The following ENTHD1 variants were observed in gnomAD, a reference collection of about 807,000 sequenced individuals.
The protein encoded by ENTHD1 is ENTH domain containing 1.
ENTHD1 carries 23 observed loss-of-function variants against 39.1 expected under a neutral mutation model. The observed-to-expected ratio is 0.59, with a 90% CI of 0.42 to 0.83. The LOEUF (loss-of-function observed/expected upper bound fraction) is 0.83, where lower values mean the gene tolerates loss of function less well. ENTHD1 is among the 40% of genes least tolerant of loss of function. ENTHD1 has a pLI of 0.00. For missense variants in ENTHD1, 624 were observed against 705.4 expected, an observed-to-expected ratio of 0.88 and a Z score of 1.31; for synonymous variants, 230 against 258.2, an observed-to-expected ratio of 0.89 and a Z score of 1.05.
At chr22:39,784,941 T>C (rs1365361960) in intron 5 of ENTHD1, among the ~76,000 whole-genome samples, 2 of 152,204 alleles carry the variant, frequency 1.3e-5, no homozygotes, top group Non-Finnish European at 2.9e-5. Context: ...CAAATGGTTC[T>C]AGCATAAAGA....
chr22:39,823,083 G>T (rs1201581443), intron 4 of ENTHD1, among the ~76,000 whole-genome samples: 1 of 152,166 alleles, frequency 6.6e-6, no homozygotes, highest in Non-Finnish European at 1.5e-5. Context: ...CATTTCTATA[G>T]TTGTGACATT....
At chr22:39,808,420 G>A (rs1241212384) in intron 5 of ENTHD1, among the ~76,000 whole-genome samples, 2 of 152,208 alleles carry the variant, frequency 1.3e-5, no homozygotes, top group Non-Finnish European at 2.9e-5. Context: ...TTAGTACACA[G>A]TAGGCATTTA....
chr22:39,805,732 A>G (rs2065635413), intron 5 of ENTHD1, among the ~76,000 whole-genome samples: 1 of 152,216 alleles, frequency 6.6e-6, no homozygotes, highest in Non-Finnish European at 1.5e-5. Context: ...ACTGAGTTTA[A>G]GATGGAAGTA....
At chr22:39,761,752 T>C (rs1054439724) in intron 6 of ENTHD1, among the ~76,000 whole-genome samples, 1 of 152,212 alleles carries the variant, frequency 6.6e-6, no homozygotes, top group Non-Finnish European at 1.5e-5. Context: ...ATTATTTATC[T>C]TTCAGCTCCA....
intron 4 of ENTHD1, among the ~76,000 whole-genome samples, chr22:39,825,776 GT>G (rs2065821580): frequency 1.3e-5 from 2 of 150,542 alleles, no homozygotes; most frequent in Non-Finnish European, 3.0e-5. Context: ...TATTTGGTTT[GT>G]TTGGTTTATA....
At chr22:39,775,687 A>G (rs1199968837) in intron 5 of ENTHD1, among the ~76,000 whole-genome samples, 2 of 151,916 alleles carry the variant, frequency 1.3e-5, no homozygotes, top group African/African-American at 2.4e-5. Flanking sequence ...CCCTGGTGCT[A>G]CTCCTGGAGG....
At chr22:39,796,127 A>T (rs1157264648) in intron 5 of ENTHD1, among the ~76,000 whole-genome samples, 1 of 151,352 alleles carries the variant, frequency 6.6e-6, no homozygotes, top group Admixed American at 6.6e-5. Context: ...TTCCCTTTCT[A>T]GTTCCTTGAG....
chr22:39,830,161 T>C (rs2065857569), intron 4 of ENTHD1, among the ~76,000 whole-genome samples: 1 of 152,136 alleles, frequency 6.6e-6, no homozygotes. Context: ...CTGCAACCTC[T>C]GCCTCCCAGG....
chr22:39,887,308 C>T (rs2066386358), intron 2 of ENTHD1, 92 bp downstream of exon 2: 4 of 1,099,818 alleles, frequency 3.6e-6, no homozygotes, highest in Admixed American at 2.4e-5. Flanking sequence ...AATGCCTGGG[C>T]TCATGCAGTC....
intron 5 of ENTHD1, among the ~76,000 whole-genome samples, chr22:39,794,388 C>T (rs1418392341): frequency 1.3e-5 from 2 of 152,156 alleles, no homozygotes; most frequent in Non-Finnish European, 2.9e-5. Flanking sequence ...AATATAAGAT[C>T]ATGTCATCTG....
intron 5 of ENTHD1, among the ~76,000 whole-genome samples, chr22:39,788,278 G>A (rs2088864482): frequency 6.6e-6 from 1 of 152,178 alleles, no homozygotes; most frequent in African/African-American, 2.4e-5. Flanking sequence ...ATTTATGGGA[G>A]ATCAAATTAT....
chr22:39,790,144 CTTGTGTGAGA>C (rs2065492572), intron 5 of ENTHD1, among the ~76,000 whole-genome samples: 2 of 152,164 alleles, frequency 1.3e-5, no homozygotes, highest in South Asian at 4.2e-4. Flanking sequence ...CAAAGATGTC[CTTGTGTGAGA>C]TGAGAAGTCC....
chr22:39,746,311 C>T (rs2065104563), intron 6 of ENTHD1, among the ~76,000 whole-genome samples: 1 of 151,958 alleles, frequency 6.6e-6, no homozygotes, highest in African/African-American at 2.4e-5. Context: ...TTTCCAAGAG[C>T]TCTTTTTTTT....
At chr22:39,857,174 G>T (rs1467532096) in intron 3 of ENTHD1, among the ~76,000 whole-genome samples, 1 of 152,040 alleles carries the variant, frequency 6.6e-6, no homozygotes, top group Non-Finnish European at 1.5e-5. Flanking sequence ...TGGGCGCAGT[G>T]GCTCATGACT....
chr22:39,763,100 T>G (rs2065248677), intron 6 of ENTHD1, among the ~76,000 whole-genome samples: 1 of 152,222 alleles, frequency 6.6e-6, no homozygotes, highest in African/African-American at 2.4e-5. Context: ...TGAGGGCTGC[T>G]CAACTTCTCA....
At chr22:39,753,722 C>T (rs1309139548) in intron 6 of ENTHD1, among the ~76,000 whole-genome samples, 1 of 152,232 alleles carries the variant, frequency 6.6e-6, no homozygotes, top group East Asian at 1.9e-4. Flanking sequence ...CCTGGCCTCA[C>T]TGTTTCTTGA....
chr22:39,754,787 C>G (rs1306444258), intron 6 of ENTHD1, among the ~76,000 whole-genome samples: 1 of 152,176 alleles, frequency 6.6e-6, no homozygotes, highest in Non-Finnish European at 1.5e-5. Context: ...TTTACAACAG[C>G]CTTTGAAGTG....
intron 5 of ENTHD1, among the ~76,000 whole-genome samples, chr22:39,807,568 C>A (rs1163785629): frequency 6.6e-6 from 1 of 152,204 alleles, no homozygotes; most frequent in African/African-American, 2.4e-5. Context: ...ATTCTCCCAA[C>A]TGGCCAAGTC....
Position 39,743,583 on chromosome 22 carries a change from C to G in ENTHD1, c.*96G>C. 3 of 1,366,262 alleles carry G rather than the reference C, an allele frequency of 2.2e-6. No homozygotes were observed. The highest frequency in any genetic ancestry group is 3.9e-4 in the Middle Eastern group (2 of 5,114). The allele number at this position is 1,366,262 out of a possible 1,614,324, so 84.6% of individuals were successfully genotyped here. On this transcript the variant is annotated 3_prime_UTR_variant, in exon 7 of 7. Transcript: ENST00000325157. The stretch of plus-strand genomic sequence containing the variant: ...TGACAAGGAAAAATTAAACCATCCC[C>G]TTTTTTGCCATAATAATATGAATTT...
Sources: gnomAD v4.1 joint callset for allele counts (sites outside exome capture counted in the v4.1 genomes callset) on GRCh38, gnomAD v4.1.1 for gene constraint, MANE v1.5 for transcripts, NCBI Gene and HGNC (gene_info 2026-07-23, HGNC 2026-07-21) for gene names.